The following POR variants were observed in gnomAD, a reference collection of about 807,000 sequenced individuals.
The protein encoded by POR is NADPH--cytochrome P450 reductase.
A neutral mutation model predicts 84.0 loss-of-function variants in POR; 56 were observed. That is an observed-to-expected ratio of 0.67 (90% CI 0.54 to 0.83). The LOEUF is 0.83. Ranked by LOEUF, POR falls within the 40% of genes least tolerant of loss-of-function variation. The pLI is 0.00. For missense variants in POR, 938 were observed against 944.3 expected (o/e 0.99, Z 0.09); for synonymous variants, 414 against 400.5 (o/e 1.03, Z -0.40).
chr7:75,926,737 T>C (rs192876531), intron 1 of POR, among the ~76,000 whole-genome samples: 1 of 152,228 alleles, frequency 6.6e-6, no homozygotes, highest in East Asian at 1.9e-4. Context: ...GAGGTTGCAG[T>C]GAGCTGAGGT....
rs1787545911 is a variant in POR at position 75,953,522 on chromosome 7, A to G, written c.-4-467A>G. On this transcript the variant is annotated intron_variant, in intron 1 of 15. Transcript: ENST00000461988. ...GAATATCAGGAGCCACTCAAGGGCC[A>G]GGCCTGGAGACTTGGAACATGCAGG... Among the ~76,000 whole-genome samples the G allele has an allele frequency of 2.6e-5, 4 of 152,284 alleles. No homozygotes were observed. In the South Asian group the frequency reaches 8.3e-4, roughly 32 times the overall value.
At chr7:75,942,861 A>C (rs1009384389) in intron 1 of POR, among the ~76,000 whole-genome samples, 5 of 151,934 alleles carry the variant, frequency 3.3e-5, no homozygotes, top group Non-Finnish European at 7.4e-5. Context: ...TGGCCTCATT[A>C]AGAAACATCA....
At position 75,980,953 on chromosome 7, in the gene POR, AGCC is replaced by A. The variant is rs1469749559; in HGVS notation, c.517-94_517-92del. ...GGCCTGCAGGTGTTGCCAGCAGCTC[AGCC>A]AGTGCTGTGGGGCCTCCCGCCCTGC... is the stretch of plus-strand genomic sequence containing the variant. On this transcript the variant is annotated intron_variant, in intron 5 of 15. Transcript: ENST00000461988. The A allele has an allele frequency of 3.6e-6, 5 of 1,407,188 alleles. No individual in the cohort carries two copies. The African/African-American group carries it at 7.2e-5, about 20-fold the overall frequency. The allele number at this position is 1,407,188 out of a possible 1,614,324, so 87.2% of individuals were successfully genotyped here.
chr7:75,985,893 C>T (rs1789417278), intron 13 of POR, 30 bp from the exon 14 acceptor site: 3 of 1,560,064 alleles, frequency 1.9e-6, no homozygotes, highest in African/African-American at 1.3e-5. Flanking sequence ...GACTGGGAGC[C>T]CCGCGCTCAC....
At chr7:75,923,854 C>T (rs1182020264) in intron 1 of POR, among the ~76,000 whole-genome samples, 4 of 151,228 alleles carry the variant, frequency 2.6e-5, no homozygotes, top group African/African-American at 9.7e-5. Context: ...GACCTTTGTC[C>T]TCCAGCCTGG....
chr7:75,941,888 G>T (rs1554551557), intron 1 of POR, among the ~76,000 whole-genome samples: 1 of 151,942 alleles, frequency 6.6e-6, no homozygotes, highest in East Asian at 1.9e-4. Flanking sequence ...TTTAATACAG[G>T]TTTGTTAATA....
intron 2 of POR, among the ~76,000 whole-genome samples, chr7:75,957,895 G>T (rs1787755803): frequency 6.6e-6 from 1 of 152,136 alleles, no homozygotes. Context: ...CTACATTCTG[G>T]ACCCTGAAGT....
rs782358364 is a variant in POR, at chr7:75,979,442, C to G, written c.238-9C>G. ...TGGCCCTCACCAACCCTGTGTCTGC[C>G]TTCCTTAGGGGAGGAACATCATCGT... On this transcript the variant is annotated splice_polypyrimidine_tract_variant and intron_variant, in intron 3 of 15. Coordinates refer to ENST00000461988, the MANE Select transcript of POR (RefSeq NM_000941.3). 2.3e-5 allele frequency: 37 copies of G among 1,612,214 alleles called. No individual in the cohort carries two copies. In the Middle Eastern group the frequency reaches 5.0e-4, roughly 22 times the overall value.
intron 1 of POR, among the ~76,000 whole-genome samples, chr7:75,948,926 C>T (rs938053477): frequency 6.6e-5 from 10 of 152,100 alleles, no homozygotes; most frequent in Non-Finnish European, 1.2e-4. Context: ...CAAAGTTTCT[C>T]TGAGATGGTG....
At chr7:75,916,899 A>G (rs58636552) in intron 1 of POR, among the ~76,000 whole-genome samples, 12,238 of 152,122 alleles carry the variant, frequency 0.08, 1,554 homozygotes, top group African/African-American at 0.27. Flanking sequence ...GCTGTTGGTT[A>G]ACTCTGGGTT....
In POR at chr7:75,928,369, C is replaced by T. The variant is rs572658767; in HGVS notation, c.-5+13190C>T. 2.0e-5 allele frequency among the ~76,000 whole-genome samples: 3 copies of T among 152,314 alleles called. No individual in the cohort carries two copies. The East Asian group carries it at 5.8e-4, about 29-fold the overall frequency. On this transcript the variant is annotated intron_variant, in intron 1 of 15. Coordinates refer to ENST00000461988, the MANE Select transcript of POR (RefSeq NM_000941.3). ...CAGTTCCCTGTCATCTTGAGCTAGTCGTGGACACCTGCAGCAGACGTATGT... is the reference window on the plus strand; with the variant it reads ...CAGTTCCCTGTCATCTTGAGCTAGTTGTGGACACCTGCAGCAGACGTATGT...
chr7:75,960,950 A>G (rs1004205017), intron 2 of POR, among the ~76,000 whole-genome samples: 2 of 152,144 alleles, frequency 1.3e-5, no homozygotes, highest in Non-Finnish European at 2.9e-5. Context: ...TGGCAGTATC[A>G]GGCCCAGCGT....
At chr7:75,985,898 G>A (rs782451405) in intron 13 of POR, 25 bp from the exon 14 acceptor site, 34 of 1,562,992 alleles carry the variant, frequency 2.2e-5, no homozygotes, top group Middle Eastern at 3.4e-4. Context: ...GGAGCCCCGC[G>A]CTCACCCCGG....
rs577293751 is a variant in POR at position 75,983,628 on chromosome 7, C to T, written c.939C>T (p.Ser313=). 9.9e-6 allele frequency: 16 copies of T among 1,612,692 alleles called. No homozygotes were observed. In the South Asian group the frequency reaches 1.5e-4, roughly 15 times the overall value. ...ACCTGGAATTGGACATCTCGGACTC[C>T]AAAATCAGGTACCAGCTGCCACTGT... The change falls in exon 9 of 16, where the codon TCC becomes TCT. Residue 313 remains serine, a synonymous_variant. Coordinates refer to ENST00000461988, the MANE Select transcript of POR (RefSeq NM_000941.3).
intron 3 of POR, among the ~76,000 whole-genome samples, chr7:75,976,882 C>G (rs1310982576): frequency 6.6e-6 from 1 of 152,070 alleles, no homozygotes; most frequent in South Asian, 2.1e-4. Context: ...CTCAGTCTCA[C>G]TCCTGTCACC....
chr7:75,936,578 G>A (rs555933849), intron 1 of POR, among the ~76,000 whole-genome samples: 16 of 152,054 alleles, frequency 1.1e-4, no homozygotes, highest in East Asian at 5.8e-4. Flanking sequence ...TTCTCATTTC[G>A]GTAAAGGAGG....
At chr7:75,952,050 G>T (rs1336157321) in intron 1 of POR, among the ~76,000 whole-genome samples, 12 of 136,538 alleles carry the variant, frequency 8.8e-5, no homozygotes, top group Admixed American at 7.1e-5. Context: ...GGGCAGAGGT[G>T]CCCCTCACCT....
chr7:75,943,014 T>C (rs1254689913), intron 1 of POR, among the ~76,000 whole-genome samples: 1 of 151,742 alleles, frequency 6.6e-6, no homozygotes, highest in Non-Finnish European at 1.5e-5. Flanking sequence ...TGCAGTGGCA[T>C]GATCTCGGCT....
At position 75,985,948 on chromosome 7, in the gene POR, G is replaced by C. The variant is rs782484111; in HGVS notation, c.1695G>C (p.Leu565=). The C allele has an allele frequency of 5.7e-6, 9 of 1,590,894 alleles. No individual in the cohort carries two copies. The highest frequency in any genetic ancestry group is 4.3e-6 in the Non-Finnish European group (5 of 1,170,066). ...GCAAGGAGGTGGGGGAGACGCTGCTGTACTACGGCTGCCGCCGCTCGGATG... is the reference window on the plus strand; with the variant it reads ...GCAAGGAGGTGGGGGAGACGCTGCTCTACTACGGCTGCCGCCGCTCGGATG... Residue 565 remains leucine, a synonymous_variant, in exon 14 of 16, where the codon CTG becomes CTC. Transcript: ENST00000461988.
Sources: allele counts gnomAD v4.1 joint callset (sites outside exome capture counted in the v4.1 genomes callset), GRCh38; gene constraint gnomAD v4.1.1; transcripts MANE v1.5; gene names NCBI Gene and HGNC (gene_info 2026-07-23, HGNC 2026-07-21).